Variants in SLC25A16 observed in about 807,000 individuals in gnomAD.
The protein encoded by SLC25A16 is solute carrier family 25 member 16.
Under a neutral mutation model 41.5 loss-of-function variants are expected in SLC25A16, and 39 were observed. The observed-to-expected ratio is 0.94, with a 90% CI of 0.73 to 1.23. The LOEUF (loss-of-function observed/expected upper bound fraction) is 1.23. SLC25A16 is among the 50% of genes most tolerant of loss of function. SLC25A16 has a pLI of 0.00. For synonymous variants in SLC25A16, 146 were observed against 147.8 expected, an observed-to-expected ratio of 0.99 and a Z score of 0.09; for missense variants, 421 against 426.9, an observed-to-expected ratio of 0.99 and a Z score of 0.12.
chr10:68,479,250 A>G lies in SLC25A16; in HGVS notation c.*4182T>C, dbSNP rs2052458600. 6.6e-6 allele frequency: 1 copy of G among 152,250 alleles called. No homozygotes were observed. The highest frequency in any genetic ancestry group is 1.5e-5 in the Non-Finnish European group (1 of 68,046). 9.4% of individuals were successfully genotyped at this position (152,250 alleles called of 1,614,324 possible). The stretch of plus-strand genomic sequence containing the variant: ...TACCCACCAGTAAACATCACTGAGT[A>G]CCACTCTGACGCCATACCCTGTGCT... On this transcript the variant is annotated 3_prime_UTR_variant, in exon 9 of 9. Coordinates refer to ENST00000609923, the MANE Select transcript of SLC25A16 (RefSeq NM_152707.4).
chr10:68,495,133 G>A (rs926500351), intron 4 of SLC25A16, among the ~76,000 whole-genome samples: 3 of 151,890 alleles, frequency 2.0e-5, no homozygotes, highest in South Asian at 2.1e-4. Context: ...AAAATAGGCC[G>A]GATGTGGTGG....
Position 68,482,524 on chromosome 10 carries a change from G to A in SLC25A16, c.*908C>T, listed in dbSNP as rs2052495995. ...CATCTATATTAATAAATATTTCACA[G>A]TCTACTTAAATATTCTACTATAGAG... On this transcript the variant is annotated 3_prime_UTR_variant, in exon 9 of 9. Transcript: ENST00000609923. 6.6e-6 allele frequency: 1 copy of A among 152,338 alleles called. No homozygotes were observed. The highest frequency in any genetic ancestry group is 6.6e-5 in the Admixed American group (1 of 15,226). The allele number at this position is 152,338 out of a possible 1,614,324, so 9.4% of individuals were successfully genotyped here.
At chr10:68,502,070 C>T (rs2052856140) in intron 4 of SLC25A16, among the ~76,000 whole-genome samples, 1 of 151,926 alleles carries the variant, frequency 6.6e-6, no homozygotes, top group Admixed American at 6.6e-5. Flanking sequence ...GTGGTGTGAG[C>T]CTGTAATCCC....
chr10:68,521,257 G>A (rs894450765), intron 1 of SLC25A16, among the ~76,000 whole-genome samples: 5 of 151,892 alleles, frequency 3.3e-5, no homozygotes, highest in South Asian at 2.1e-4. Flanking sequence ...AATTAAAACC[G>A]GCCGGCTGTG....
At chr10:68,486,915 C>T (rs942873608) in intron 8 of SLC25A16, among the ~76,000 whole-genome samples, 4 of 143,002 alleles carry the variant, frequency 2.8e-5, no homozygotes, top group African/African-American at 1.0e-4. Context: ...CAAGACCATG[C>T]CACTGCACTC....
intron 8 of SLC25A16, among the ~76,000 whole-genome samples, chr10:68,484,809 C>T (rs2052532234): frequency 6.6e-6 from 1 of 152,068 alleles, no homozygotes; most frequent in South Asian, 2.1e-4. Flanking sequence ...TTCTGCTCTT[C>T]CCCTGAGAGA....
intron 1 of SLC25A16, among the ~76,000 whole-genome samples, chr10:68,524,167 G>A (rs1302051194): frequency 4.6e-5 from 7 of 151,724 alleles, no homozygotes; most frequent in African/African-American, 2.4e-5. Context: ...AAAATTAGCC[G>A]GGCGTGGTGG....
At chr10:68,503,588 G>T (rs377392951) in intron 4 of SLC25A16, 44 bp downstream of exon 4, 1 of 1,251,578 alleles carries the variant, frequency 8.0e-7, no homozygotes, top group Non-Finnish European at 1.1e-6. Context: ...TATTTTAATA[G>T]AAAATTAATT....
At chr10:68,521,622 C>A (rs1309538908) in intron 1 of SLC25A16, among the ~76,000 whole-genome samples, 2 of 139,964 alleles carry the variant, frequency 1.4e-5, no homozygotes, top group Non-Finnish European at 3.0e-5. Flanking sequence ...GAGACGGAGT[C>A]TCGCTCTGTC....
At chr10:68,499,289 CA>C (rs2052801009) in intron 4 of SLC25A16, among the ~76,000 whole-genome samples, 1 of 152,216 alleles carries the variant, frequency 6.6e-6, no homozygotes, top group African/African-American at 2.4e-5. Flanking sequence ...TGGACCGGAA[CA>C]GCAAGTAGGA....
chr10:68,483,256 A>T lies in SLC25A16; in HGVS notation c.*176T>A. 2.0e-6 allele frequency: 1 copy of T among 511,446 alleles called. No homozygotes were observed. Among genetic ancestry groups the T allele is most frequent in the Non-Finnish European group, 3.4e-6 (1 of 290,564 alleles). The allele number at this position is 511,446 out of a possible 1,614,324, so 31.7% of individuals were successfully genotyped here. On this transcript the variant is annotated 3_prime_UTR_variant, in exon 9 of 9. Coordinates refer to ENST00000609923, the MANE Select transcript of SLC25A16 (RefSeq NM_152707.4). ...TAAGGTATAATGTTTGGCATCAAAA[A>T]GTATGGTAAGCAGTTCTGATTTGTG...
At chr10:68,501,683 G>A (rs1336046454) in intron 4 of SLC25A16, among the ~76,000 whole-genome samples, 1 of 151,212 alleles carries the variant, frequency 6.6e-6, no homozygotes, top group Non-Finnish European at 1.5e-5. Context: ...GCACTTTGGA[G>A]GCTGAGGCAG....
chr10:68,495,112 T>C (rs2052728196), intron 4 of SLC25A16, among the ~76,000 whole-genome samples: 1 of 151,946 alleles, frequency 6.6e-6, no homozygotes, highest in Admixed American at 6.6e-5. Flanking sequence ...CAAAACTTCG[T>C]ATTTATTTAA....
intron 6 of SLC25A16, among the ~76,000 whole-genome samples, chr10:68,490,788 A>T (rs1475190766): frequency 6.6e-6 from 1 of 152,084 alleles, no homozygotes; most frequent in East Asian, 1.9e-4. Context: ...TCAGAAGAAA[A>T]TTTTTTTGAC....
Position 68,527,192 on chromosome 10 carries a change from C to T in SLC25A16, c.130+54G>A, listed in dbSNP as rs1469686465. 2.8e-5 allele frequency: 43 copies of T among 1,519,688 alleles called. No homozygotes were observed. In the South Asian group the frequency reaches 4.7e-4, roughly 17 times the overall value. 94.1% of individuals were successfully genotyped at this position (1,519,688 alleles called of 1,614,324 possible). On this transcript the variant is annotated intron_variant, in intron 1 of 8. Transcript: ENST00000609923. ...AGGCCGCTTGCATCCCACTTGCCCA[C>T]AGTCCTGCCCCCGCCACTCAGAGCG...
intron 4 of SLC25A16, chr10:68,496,753 TAGA>T (rs1380247274): frequency 1.2e-6 from 1 of 857,726 alleles, no homozygotes; most frequent in African/African-American, 1.8e-5. Flanking sequence ...AAATCATATT[TAGA>T]AAGTATGGTA....
At chr10:68,487,348 T>C in intron 7 of SLC25A16, 136 bp from the exon 8 acceptor site, 1 of 626,716 alleles carries the variant, frequency 1.6e-6, no homozygotes, top group Admixed American at 2.7e-5. Flanking sequence ...GGAGTCGGGA[T>C]ATAGGCATAT....
chr10:68,523,388 C>A (rs1054665067), intron 1 of SLC25A16, among the ~76,000 whole-genome samples: 1 of 152,080 alleles, frequency 6.6e-6, no homozygotes, highest in East Asian at 1.9e-4. Flanking sequence ...CCAGTGCACC[C>A]GGCCATAGAT....
chr10:68,485,682 C>A (rs2052547743), intron 8 of SLC25A16, among the ~76,000 whole-genome samples: 1 of 151,682 alleles, frequency 6.6e-6, no homozygotes, highest in South Asian at 2.1e-4. Context: ...TGCGACAGGC[C>A]TTTTTTGTTT....
Sources: allele counts gnomAD v4.1 joint callset (sites outside exome capture counted in the v4.1 genomes callset), GRCh38; gene constraint gnomAD v4.1.1; transcripts MANE v1.5; gene names NCBI Gene and HGNC (gene_info 2026-07-23, HGNC 2026-07-21).